The following SPMAP2 variants were observed in gnomAD, a reference collection of about 807,000 sequenced individuals.
The protein encoded by SPMAP2 is Theg homolog.
chr19:363,745 G>C, the SPMAP2 span, among the ~76,000 whole-genome samples: 5 of 151,516 alleles, frequency 3.3e-5, no homozygotes, highest in Non-Finnish European at 7.4e-5. Context: ...ATGTTGGCCA[G>C]GCTGGTCTCG....
chr19:375,725 C>G, the SPMAP2 span: 1 of 1,608,216 alleles, frequency 6.2e-7, no homozygotes, highest in South Asian at 1.1e-5. Flanking sequence ...CAGAAAGTGC[C>G]TCTTTGGGAT....
At chr19:366,042 G>A in the SPMAP2 span, among the ~76,000 whole-genome samples, 318 of 152,158 alleles carry the variant, frequency 2.1e-3, 2 homozygotes, top group African/African-American at 7.3e-3. Flanking sequence ...TCGGGAAGCC[G>A]AGGCAGGAGA....
At chr19:374,020 A>C in the SPMAP2 span, 1 of 1,612,572 alleles carries the variant, frequency 6.2e-7, no homozygotes, top group Non-Finnish European at 8.5e-7. Context: ...TCCTGCGAGG[A>C]GACAGGGTCC....
chr19:374,645 C>G, the SPMAP2 span: 1 of 576,144 alleles, frequency 1.7e-6, no homozygotes, highest in Admixed American at 3.0e-5. Context: ...GTCCAGGTCA[C>G]CTGTCTCCCC....
chr19:372,668 G>A, the SPMAP2 span: 1 of 1,614,044 alleles, frequency 6.2e-7, no homozygotes, highest in Non-Finnish European at 8.5e-7. Context: ...AATCTCTTGG[G>A]CCGAGACAGT....
At chr19:374,060 C>T in the SPMAP2 span, 2 of 1,582,622 alleles carry the variant, frequency 1.3e-6, no homozygotes, top group Non-Finnish European at 8.6e-7. Context: ...CCTGGGTCTC[C>T]CGTTTGCTCC....
chr19:362,060 G>C, the SPMAP2 span: 1 of 526,680 alleles, frequency 1.9e-6, no homozygotes. Context: ...TCGCAGGTTG[G>C]ATGCAAAAAT....
the SPMAP2 span, chr19:371,369 GGTGTGTGT>G: frequency 2.2e-5 from 19 of 851,064 alleles, no homozygotes; most frequent in African/African-American, 6.0e-5. Context: ...CGGGGGTGGG[GGTGTGTGT>G]GTGTGTGTGT....
chr19:375,773 G>T, the SPMAP2 span: 2 of 1,609,956 alleles, frequency 1.2e-6, no homozygotes, highest in Non-Finnish European at 1.7e-6. Flanking sequence ...CCACCTCCTC[G>T]GGGGGAAGCT....
the SPMAP2 span, chr19:374,536 C>T: frequency 1.8e-5 from 25 of 1,413,586 alleles, 1 homozygote; most frequent in South Asian, 3.2e-4. Flanking sequence ...ACCCTGCCCA[C>T]CCGCCTCTCC....
the SPMAP2 span, among the ~76,000 whole-genome samples, chr19:375,214 C>T: frequency 1.3e-5 from 2 of 152,172 alleles, no homozygotes; most frequent in African/African-American, 4.8e-5. Flanking sequence ...TCAGTTCACC[C>T]AGAACGTGTT....
At chr19:371,115 CCT>C in the SPMAP2 span, 1 of 719,822 alleles carries the variant, frequency 1.4e-6, no homozygotes, top group Non-Finnish European at 2.2e-6. Context: ...CTCCTCCTCC[CCT>C]GACTCCCAAA....
chr19:372,807 C>G, the SPMAP2 span: 1 of 1,081,846 alleles, frequency 9.2e-7, no homozygotes, highest in South Asian at 1.3e-5. Flanking sequence ...GGGCAGGAGG[C>G]TGAATTGGAA....
chr19:373,904 A>G, the SPMAP2 span: 2 of 1,595,422 alleles, frequency 1.3e-6, no homozygotes, highest in Non-Finnish European at 1.7e-6. Flanking sequence ...CGTGTCCCCC[A>G]GCATAGGCAC....
chr19:369,729 T>C, the SPMAP2 span, among the ~76,000 whole-genome samples: 1 of 152,194 alleles, frequency 6.6e-6, no homozygotes, highest in Non-Finnish European at 1.5e-5. Flanking sequence ...CAATTGTTCT[T>C]ATAGGTTTTG....
At chr19:374,563 T>C in the SPMAP2 span, 15 of 1,207,602 alleles carry the variant, frequency 1.2e-5, no homozygotes, top group Non-Finnish European at 1.7e-5. Flanking sequence ...TCGAGGGGTC[T>C]CTGAGGGAGG....
At chr19:373,102 G>T in the SPMAP2 span, among the ~76,000 whole-genome samples, 1 of 152,196 alleles carries the variant, frequency 6.6e-6, no homozygotes, top group Non-Finnish European at 1.5e-5. Context: ...GAACAGCACA[G>T]GAGAGAACTG....
At chr19:362,294 T>G in the SPMAP2 span, 1 of 1,606,748 alleles carries the variant, frequency 6.2e-7, no homozygotes, top group East Asian at 2.2e-5. Context: ...GTATCCCTCG[T>G]TGAGGCCCTT....
chr19:365,615 C>T, the SPMAP2 span, among the ~76,000 whole-genome samples: 1 of 118,638 alleles, frequency 8.4e-6, no homozygotes, highest in African/African-American at 3.1e-5. Context: ...ACTCTTACCC[C>T]CACATAGCAA....
Sources: gnomAD v4.1 joint callset for allele counts (sites outside exome capture counted in the v4.1 genomes callset) on GRCh38, gnomAD v4.1.1 for gene constraint, MANE v1.5 for transcripts, NCBI Gene and HGNC (gene_info 2026-07-23, HGNC 2026-07-21) for gene names.